PKHD1: variants seen among roughly 807,000 people sequenced by gnomAD.
PKHD1 encodes the protein PKHD1 ciliary IPT domain containing fibrocystin/polyductin, also known as fibrocystin.
A neutral mutation model predicts 412.0 loss-of-function variants in PKHD1; 291 were observed. The observed-to-expected ratio is 0.71, with a 90% CI of 0.64 to 0.78. PKHD1 has a LOEUF of 0.78. Ranked by LOEUF, PKHD1 falls within the 30% of genes least tolerant of loss-of-function variation. The pLI is 0.00. For synonymous variants in PKHD1, 1,777 were observed against 1,821.5 expected, an observed-to-expected ratio of 0.98 and a Z score of 0.62; for missense variants, 4,825 against 4,950.7, an observed-to-expected ratio of 0.97 and a Z score of 0.76.
Position 52,048,487 on chromosome 6 carries a change from T to C in PKHD1, c.2407+5A>G, listed in dbSNP as rs767994974. On this transcript the variant is annotated splice_donor_5th_base_variant and intron_variant, in intron 23 of 66. Transcript: ENST00000371117. ...GAATTGTTGCAACCCCAATCACCCC[T>C]TTACCAGAAATCACTGTATTAGGAA... The C allele has an allele frequency of 2.5e-5, 41 of 1,613,890 alleles. No homozygotes were observed. The highest frequency in any genetic ancestry group is 1.6e-4 in the Middle Eastern group (1 of 6,082).
At chr6:51,923,737 A>G (rs1785093517) in intron 37 of PKHD1, among the ~76,000 whole-genome samples, 1 of 152,242 alleles carries the variant, frequency 6.6e-6, no homozygotes, top group Non-Finnish European at 1.5e-5. Context: ...CAAGAATTTT[A>G]CAAAGAGAGC....
intron 65 of PKHD1, 114 bp downstream of exon 65, chr6:51,632,451 A>T: frequency 1.2e-6 from 1 of 827,240 alleles, no homozygotes; most frequent in Non-Finnish European, 1.9e-6. Context: ...TTTATATTTT[A>T]GAGAAGCTCA....
In PKHD1 at chr6:51,831,110, T is replaced by C. The variant is rs971289773; in HGVS notation, c.8174-121A>G. The C allele has an allele frequency of 8.3e-6, 6 of 719,640 alleles. No individual in the cohort carries two copies. The Admixed American group carries it at 1.3e-4, about 15-fold the overall frequency. The allele number at this position is 719,640 out of a possible 1,614,324, so 44.6% of individuals were successfully genotyped here. On this transcript the variant is annotated intron_variant, in intron 51 of 66. Coordinates refer to ENST00000371117, the MANE Select transcript of PKHD1 (RefSeq NM_138694.4). ...AAAGAAGCTGCCTATCAATATTTTATAAGTTTCTGTACAAATATTTATCAG... is the reference window on the plus strand; with the variant it reads ...AAAGAAGCTGCCTATCAATATTTTACAAGTTTCTGTACAAATATTTATCAG...
intron 20 of PKHD1, 25 bp from the exon 21 acceptor site, chr6:52,053,276 T>G (rs1427863441): frequency 1.2e-6 from 2 of 1,612,952 alleles, no homozygotes; most frequent in Admixed American, 1.7e-5. Flanking sequence ...GGAGCAGAAC[T>G]GGGCTCTCAG....
At chr6:52,067,716 T>C (rs1247599488) in intron 11 of PKHD1, among the ~76,000 whole-genome samples, 1 of 151,954 alleles carries the variant, frequency 6.6e-6, no homozygotes, top group Non-Finnish European at 1.5e-5. Flanking sequence ...ATAGCCTGAG[T>C]GTGGACAGAA....
intron 59 of PKHD1, among the ~76,000 whole-genome samples, chr6:51,744,845 A>AAT (rs1784999152): frequency 6.6e-6 from 1 of 152,174 alleles, no homozygotes. Context: ...AACTGAACAT[A>AAT]ATATAATTAT....
chr6:51,814,002 C>T (rs535278294), intron 52 of PKHD1, among the ~76,000 whole-genome samples: 4 of 152,222 alleles, frequency 2.6e-5, no homozygotes, highest in African/African-American at 4.8e-5. Context: ...AGACTCATAA[C>T]CATACTTAAT....
chr6:51,772,913 C>T lies in PKHD1; in HGVS notation c.8555-124G>A, dbSNP rs6922497. ...TGATATAGAATCTCTATATGAAGGT[C>T]CCATATTATCAAAAGCATTATTTAA... On this transcript the variant is annotated intron_variant, in intron 54 of 66. Transcript: ENST00000371117. 95,500 of 692,966 alleles carry T rather than the reference C, an allele frequency of 0.14. 8,331 individuals are homozygous for T. The highest frequency in any genetic ancestry group is 0.34 in the African/African-American group (19,480 of 56,580). 42.9% of individuals were successfully genotyped at this position (692,966 alleles called of 1,614,324 possible).
intron 60 of PKHD1, among the ~76,000 whole-genome samples, chr6:51,671,295 A>C (rs531914354): frequency 2.2e-4 from 33 of 151,842 alleles, no homozygotes; most frequent in African/African-American, 8.0e-4. Flanking sequence ...CATTTCATTC[A>C]CTTCATCTTC....
Position 52,035,605 on chromosome 6 carries a change from T to C in PKHD1, c.3214A>G (p.Lys1072Glu), listed in dbSNP as rs780201606. The change falls in exon 28 of 67, where the codon AAA becomes GAA. Residue 1072 changes from lysine to glutamate, a missense_variant. Transcript: ENST00000371117. ...ATSNSSRIQC[K>E]VPPRGKDGRI... ...AATCCACTTACCCTGGGTGGAACTT[T>C]GCACTGAATTCTGCTTGAATTGCTT... is the stretch of plus-strand genomic sequence containing the variant. 2 of 1,614,008 alleles carry C rather than the reference T, an allele frequency of 1.2e-6. No homozygotes were observed. Among genetic ancestry groups the C allele is most frequent in the Middle Eastern group, 1.7e-4 (1 of 6,060 alleles).
In PKHD1 at chr6:52,008,024, G is replaced by A. The variant is rs538593741; in HGVS notation, c.5751+2285C>T. On this transcript the variant is annotated intron_variant, in intron 35 of 66. Transcript: ENST00000371117. ...GGGCCCTGCTCCCAATAGACTGTTC[G>A]AAACTATGACATTATCACTAACACT... Among the ~76,000 whole-genome samples, 10 of 152,240 alleles carry A rather than the reference G, an allele frequency of 6.6e-5. No individual in the cohort carries two copies. In the East Asian group the frequency reaches 1.7e-3, roughly 26 times the overall value.
chr6:51,681,519 A>T (rs1483770802), intron 60 of PKHD1, among the ~76,000 whole-genome samples: 1 of 152,056 alleles, frequency 6.6e-6, no homozygotes, highest in African/African-American at 2.4e-5. Context: ...AAGCATGTAG[A>T]TCTGTGAAAA....
intron 61 of PKHD1, among the ~76,000 whole-genome samples, chr6:51,654,366 T>C (rs1276855255): frequency 6.6e-6 from 1 of 152,126 alleles, no homozygotes; most frequent in Admixed American, 6.6e-5. Flanking sequence ...TTGTTTTTCA[T>C]ATCCATTAAT....
intron 60 of PKHD1, among the ~76,000 whole-genome samples, chr6:51,739,030 TTATATA>T (rs550131509): frequency 6.7e-6 from 1 of 148,590 alleles, no homozygotes; most frequent in East Asian, 1.9e-4. Flanking sequence ...TGTATGTACT[TTATATA>T]TATATATTTT....
chr6:51,655,970 C>A (rs908929352), intron 61 of PKHD1, among the ~76,000 whole-genome samples: 3 of 152,100 alleles, frequency 2.0e-5, no homozygotes, highest in African/African-American at 7.2e-5. Flanking sequence ...CCATTTGACT[C>A]AGCAATCCCA....
At chr6:51,715,850 T>C (rs57450848) in intron 60 of PKHD1, among the ~76,000 whole-genome samples, 8,432 of 152,164 alleles carry the variant, frequency 0.055, 364 homozygotes, top group East Asian at 0.17. Flanking sequence ...AAGAAATGCA[T>C]AGGAATGAGA....
intron 65 of PKHD1, among the ~76,000 whole-genome samples, chr6:51,628,418 T>C (rs1043776871): frequency 2.0e-5 from 3 of 152,228 alleles, no homozygotes; most frequent in African/African-American, 7.2e-5. Flanking sequence ...TCATTCTTTT[T>C]ATGGCTGCAT....
rs1562002681 is a variant in PKHD1 at position 51,639,044 on chromosome 6, AC to A, written c.11399-89del. The A allele has an allele frequency of 2.9e-5, 28 of 964,504 alleles. No homozygotes were observed. In the Admixed American group the frequency reaches 4.8e-4, roughly 17 times the overall value. 59.7% of individuals were successfully genotyped at this position (964,504 alleles called of 1,614,324 possible). Reference sequence around the variant, plus strand: ...GTCTTCTGCGAAGGCAGACATTTGGACAATAAAGGACAATTTTTTAAACTCA... The same window carrying A: ...GTCTTCTGCGAAGGCAGACATTTGGAAATAAAGGACAATTTTTTAAACTCA... On this transcript the variant is annotated intron_variant, in intron 63 of 66. Coordinates refer to ENST00000371117, the MANE Select transcript of PKHD1 (RefSeq NM_138694.4).
chr6:51,699,920 A>AGTGTGTTTGTGTGTGTGTGT, intron 60 of PKHD1, among the ~76,000 whole-genome samples: 2 of 137,902 alleles, frequency 1.5e-5, no homozygotes, highest in Admixed American at 7.5e-5. Context: ...ATATATATGG[A>AGTGTGTTTGTGTGTGTGTGT]GTGTGTGTGT....
Sources: allele counts gnomAD v4.1 joint callset (sites outside exome capture counted in the v4.1 genomes callset), GRCh38; gene constraint gnomAD v4.1.1; transcripts MANE v1.5; gene names NCBI Gene and HGNC (gene_info 2026-07-23, HGNC 2026-07-21).